Variants in CAMK4 observed in about 807,000 individuals in gnomAD.
CAMK4 encodes calcium/calmodulin-dependent protein kinase type IV.
In CAMK4, 22 loss-of-function variants were observed where a neutral mutation model predicts 44.9. The ratio of observed to expected loss-of-function variants is 0.49; its 90% CI spans 0.35 to 0.70. The LOEUF is 0.70. Among genes scored for constraint, CAMK4 ranks in the 30% least tolerant of loss-of-function variants. The pLI is 0.01. For missense variants in CAMK4, 498 were observed against 586.8 expected (o/e 0.85, Z 1.56); for synonymous variants, 218 against 215.4 (o/e 1.01, Z -0.11).
In CAMK4 at chr5:111,285,750, T is replaced by C. The variant is rs1006500607; in HGVS notation, c.162-58274T>C. On this transcript the variant is annotated intron_variant, in intron 1 of 10. Coordinates refer to ENST00000282356, the MANE Select transcript of CAMK4 (RefSeq NM_001744.6). Reference sequence around the variant, plus strand: ...CTTATGTTCCCTGTCAATGCTATTATGGTCCAATGATAAAATTAGTGTTTT... The same window carrying C: ...CTTATGTTCCCTGTCAATGCTATTACGGTCCAATGATAAAATTAGTGTTTT... Among the ~76,000 whole-genome samples, 5 of 152,242 alleles carry C rather than the reference T, an allele frequency of 3.3e-5. No homozygotes were observed. In the East Asian group the frequency reaches 7.7e-4, roughly 23 times the overall value.
intron 1 of CAMK4, among the ~76,000 whole-genome samples, chr5:111,274,151 A>G (rs1327802102): frequency 1.3e-5 from 2 of 151,680 alleles, no homozygotes; most frequent in Admixed American, 1.3e-4. Flanking sequence ...AGTCCTCAAT[A>G]TTTTCTTGCC....
chr5:111,332,348 C>A (rs1041369174), intron 1 of CAMK4, among the ~76,000 whole-genome samples: 4 of 148,434 alleles, frequency 2.7e-5, no homozygotes, highest in Non-Finnish European at 5.9e-5. Flanking sequence ...TTTGTCCTTG[C>A]GATAGATTAC....
At chr5:111,456,609 C>A (rs1754427292) in intron 7 of CAMK4, among the ~76,000 whole-genome samples, 1 of 151,310 alleles carries the variant, frequency 6.6e-6, no homozygotes, top group African/African-American at 2.4e-5. Flanking sequence ...TTTAAACTTA[C>A]TAAATATGAA....
rs1753447886 is a variant in CAMK4 at position 111,431,696 on chromosome 5, C to T, written c.460-14990C>T. On this transcript the variant is annotated intron_variant, in intron 5 of 10. Coordinates refer to ENST00000282356, the MANE Select transcript of CAMK4 (RefSeq NM_001744.6). ...ATCTAATAATCTGATGAAAAATAGGCAAAAGATTTGAATAGACATTTCTCA... is the reference window on the plus strand; with the variant it reads ...ATCTAATAATCTGATGAAAAATAGGTAAAAGATTTGAATAGACATTTCTCA... Among the ~76,000 whole-genome samples the T allele has an allele frequency of 3.9e-5, 6 of 152,090 alleles. No individual in the cohort carries two copies. The South Asian group carries it at 1.0e-3, about 26-fold the overall frequency.
At position 111,278,278 on chromosome 5, in the gene CAMK4, G is replaced by T. The variant is rs1361387907; in HGVS notation, c.161+53634G>T. Among the ~76,000 whole-genome samples, 3 of 152,286 alleles carry T rather than the reference G, an allele frequency of 2.0e-5. No individual in the cohort carries two copies. The East Asian group carries it at 5.8e-4, about 29-fold the overall frequency. Reference sequence around the variant, plus strand: ...TGGACACGTGGGAGTGCCTACCTTTGTGTTGGAAATGGACATTGACTCAAA... The same window carrying T: ...TGGACACGTGGGAGTGCCTACCTTTTTGTTGGAAATGGACATTGACTCAAA... On this transcript the variant is annotated intron_variant, in intron 1 of 10. Transcript: ENST00000282356.
chr5:111,314,919 C>T (rs1748356408), intron 1 of CAMK4, among the ~76,000 whole-genome samples: 1 of 151,882 alleles, frequency 6.6e-6, no homozygotes, highest in South Asian at 2.1e-4. Flanking sequence ...AATGTAATTT[C>T]TGAGATAATG....
chr5:111,430,788 GA>G (rs1416539867), intron 5 of CAMK4, among the ~76,000 whole-genome samples: 2 of 152,056 alleles, frequency 1.3e-5, no homozygotes, highest in East Asian at 3.8e-4. Flanking sequence ...AAATACTGAT[GA>G]AGGAAATTGA....
At chr5:111,372,358 T>G (rs62375656) in intron 2 of CAMK4, among the ~76,000 whole-genome samples, 57 of 152,276 alleles carry the variant, frequency 3.7e-4, no homozygotes, top group Non-Finnish European at 7.2e-4. Flanking sequence ...GTCATGGTTA[T>G]ATTTCTCCTA....
At chr5:111,406,603 C>T (rs1337993753) in intron 5 of CAMK4, among the ~76,000 whole-genome samples, 1 of 152,008 alleles carries the variant, frequency 6.6e-6, no homozygotes, top group African/African-American at 2.4e-5. Context: ...ATAAAAATAA[C>T]AAACTTTTTA....
At chr5:111,256,212 A>G (rs939561105) in intron 1 of CAMK4, among the ~76,000 whole-genome samples, 1 of 152,232 alleles carries the variant, frequency 6.6e-6, no homozygotes, top group Non-Finnish European at 1.5e-5. Flanking sequence ...CTTATATAAC[A>G]CTTTCAAAAT....
chr5:111,399,454 G>A (rs1030481616), intron 5 of CAMK4, among the ~76,000 whole-genome samples: 4 of 152,180 alleles, frequency 2.6e-5, no homozygotes, highest in African/African-American at 9.7e-5. Flanking sequence ...AAATTGAACA[G>A]TATTTTGTCT....
rs190379013 is a variant in CAMK4 at position 111,310,379 on chromosome 5, C to T, written c.162-33645C>T. Among the ~76,000 whole-genome samples, 180 of 152,210 alleles carry T rather than the reference C, an allele frequency of 1.2e-3. 1 individual carries two copies. The highest frequency in any genetic ancestry group is 4.1e-3 in the African/African-American group (170 of 41,526). ...ATATTGTGCTACATCGTGAGTAAGACGTCAGGGAGTTGGTTGACAGAAGTT... is the reference window on the plus strand; with the variant it reads ...ATATTGTGCTACATCGTGAGTAAGATGTCAGGGAGTTGGTTGACAGAAGTT... On this transcript the variant is annotated intron_variant, in intron 1 of 10. Transcript: ENST00000282356.
At chr5:111,480,426 C>T (rs909615410) in intron 9 of CAMK4, among the ~76,000 whole-genome samples, 7 of 152,074 alleles carry the variant, frequency 4.6e-5, no homozygotes, top group Non-Finnish European at 7.4e-5. Flanking sequence ...CTGCACTCCC[C>T]AGTTCATAAC....
intron 1 of CAMK4, among the ~76,000 whole-genome samples, chr5:111,232,172 T>C (rs376556436): frequency 2.6e-5 from 4 of 152,114 alleles, no homozygotes; most frequent in African/African-American, 9.6e-5. Flanking sequence ...GGGCCTAGAG[T>C]GTAAATGAGC....
intron 5 of CAMK4, among the ~76,000 whole-genome samples, chr5:111,445,258 ATACAC>A (rs1374358897): frequency 6.6e-6 from 1 of 152,242 alleles, no homozygotes; most frequent in African/African-American, 2.4e-5. Flanking sequence ...ATTCAATAGA[ATACAC>A]TAAACTGATA....
At chr5:111,231,024 T>G (rs1287709947) in intron 1 of CAMK4, among the ~76,000 whole-genome samples, 1 of 152,198 alleles carries the variant, frequency 6.6e-6, no homozygotes, top group Non-Finnish European at 1.5e-5. Context: ...CAAATTATAT[T>G]GATCTTTACC....
At chr5:111,398,731 A>C (rs775400927) in intron 5 of CAMK4, among the ~76,000 whole-genome samples, 1 of 152,128 alleles carries the variant, frequency 6.6e-6, no homozygotes, top group Non-Finnish European at 1.5e-5. Context: ...TCTCTCATTC[A>C]CTGATACCAG....
intron 1 of CAMK4, among the ~76,000 whole-genome samples, chr5:111,267,576 C>T (rs1197041609): frequency 6.6e-6 from 1 of 151,460 alleles, no homozygotes; most frequent in African/African-American, 2.4e-5. Flanking sequence ...CAGTGGCGGG[C>T]GCCTGTAGTC....
intron 7 of CAMK4, among the ~76,000 whole-genome samples, chr5:111,470,425 C>T (rs1412369956): frequency 6.6e-6 from 1 of 152,166 alleles, no homozygotes; most frequent in Non-Finnish European, 1.5e-5. Flanking sequence ...TGCTAGAATG[C>T]ACACCTTCCT....
Sources: allele counts gnomAD v4.1 joint callset (sites outside exome capture counted in the v4.1 genomes callset), GRCh38; gene constraint gnomAD v4.1.1; transcripts MANE v1.5; gene names NCBI Gene and HGNC (gene_info 2026-07-23, HGNC 2026-07-21).